Variants in INPP5A observed in about 807,000 individuals in gnomAD.
INPP5A encodes 43 kDa inositol polyphosphate 5-phophatase.
A neutral mutation model predicts 65.2 loss-of-function variants in INPP5A; 14 were observed. The ratio of observed to expected loss-of-function variants is 0.21; its 90% CI spans 0.14 to 0.34. The LOEUF is 0.34. INPP5A is among the 10% of genes least tolerant of loss of function. The pLI, the probability that INPP5A is intolerant of heterozygous loss-of-function variation, is 1.00. For missense variants in INPP5A, 431 were observed against 545.6 expected (o/e 0.79, Z 2.09); for synonymous variants, 207 against 208.3 (o/e 0.99, Z 0.05).
At chr10:132,778,031 A>T (rs1847094201) in intron 13 of INPP5A, among the ~76,000 whole-genome samples, 1 of 152,214 alleles carries the variant, frequency 6.6e-6, no homozygotes, top group Non-Finnish European at 1.5e-5. Flanking sequence ...CGTCATCCTG[A>T]GTTTGAAACA....
chr10:132,565,486 C>T (rs912354155), intron 1 of INPP5A, among the ~76,000 whole-genome samples: 1 of 152,106 alleles, frequency 6.6e-6, no homozygotes. Flanking sequence ...AGATCCAGGC[C>T]GAGGCATTAC....
Position 132,651,691 on chromosome 10 carries a change from G to A in INPP5A, c.306+1186G>A, listed in dbSNP as rs1024468357. On this transcript the variant is annotated intron_variant, in intron 4 of 15. Transcript: ENST00000368594. This position sits in a 1 kb window ranked among gnomAD's most constrained non-coding sequence, Gnocchi z 5.0. ...AGTGCTGAGGGTCTCGCTCTCCAGT[G>A]CCCCCCTGCCCTGCAGGTGGGACTC... Among the ~76,000 whole-genome samples, 1 of 152,168 alleles carries A rather than the reference G, an allele frequency of 6.6e-6. No homozygotes were observed. The highest frequency in any genetic ancestry group is 1.5e-5 in the Non-Finnish European group (1 of 68,028).
At chr10:132,641,081 A>G (rs1320507023) in intron 2 of INPP5A, among the ~76,000 whole-genome samples, 1 of 152,202 alleles carries the variant, frequency 6.6e-6, no homozygotes, top group Non-Finnish European at 1.5e-5. Flanking sequence ...TCACTGCGTC[A>G]TTAAGAATTG....
At chr10:132,643,368 A>G (rs1371410025) in intron 2 of INPP5A, among the ~76,000 whole-genome samples, 1 of 152,040 alleles carries the variant, frequency 6.6e-6, no homozygotes, top group African/African-American at 2.4e-5. Flanking sequence ...AGATGTGGGG[A>G]CTCACACCTG....
chr10:132,686,416 G>A (rs1564964341), intron 4 of INPP5A, among the ~76,000 whole-genome samples: 1 of 152,228 alleles, frequency 6.6e-6, no homozygotes, highest in Admixed American at 6.5e-5. Flanking sequence ...ATTCTCAGAT[G>A]TGACAGACAT....
At chr10:132,758,026 G>T (rs562652643) in intron 11 of INPP5A, among the ~76,000 whole-genome samples, 1 of 139,070 alleles carries the variant, frequency 7.2e-6, no homozygotes, top group South Asian at 2.3e-4. Flanking sequence ...ACACAGTGCC[G>T]TGGTGTGGGT....
chr10:132,570,925 G>A (rs770286201), intron 1 of INPP5A, among the ~76,000 whole-genome samples: 15 of 152,228 alleles, frequency 9.9e-5, no homozygotes, highest in Middle Eastern at 3.2e-3. Flanking sequence ...GCACAGCGGC[G>A]CATCACACGG....
chr10:132,642,236 G>A (rs1040860432), intron 2 of INPP5A, among the ~76,000 whole-genome samples: 8 of 152,344 alleles, frequency 5.3e-5, no homozygotes, highest in South Asian at 2.1e-4. Flanking sequence ...GGGTGGAGGC[G>A]TTTCCAGCAG....
rs150103507 is a variant in INPP5A at position 132,653,863 on chromosome 10, CAG to C, written c.306+3359_306+3360del. Reference sequence around the variant, plus strand: ...CCCCCGTCAAAGGAAAGGTGCCTCTCAGGGGAGGAAGCACAGGGGCTGGGCCG... The same window carrying C: ...CCCCCGTCAAAGGAAAGGTGCCTCTCGGGAGGAAGCACAGGGGCTGGGCCG... On this transcript the variant is annotated intron_variant, in intron 4 of 15. Coordinates refer to ENST00000368594, the MANE Select transcript of INPP5A (RefSeq NM_005539.5). Among the ~76,000 whole-genome samples, 453 of 152,346 alleles carry C rather than the reference CAG, an allele frequency of 3.0e-3. 2 individuals are homozygous for C. Among genetic ancestry groups the C allele is most frequent in the African/African-American group, 0.01 (426 of 41,594 alleles).
chr10:132,617,060 C>T (rs1387221765), intron 2 of INPP5A, among the ~76,000 whole-genome samples: 4 of 152,172 alleles, frequency 2.6e-5, no homozygotes, highest in Admixed American at 1.3e-4. Flanking sequence ...GCAGCCTTCA[C>T]CTGTAGGAAG....
chr10:132,598,363 G>T (rs2485636), intron 1 of INPP5A, among the ~76,000 whole-genome samples: 2 of 152,010 alleles, frequency 1.3e-5, no homozygotes, highest in Admixed American at 1.3e-4. Flanking sequence ...TTTTAATCTT[G>T]TAAAACTGCA....
At position 132,763,524 on chromosome 10, in the gene INPP5A, C is replaced by T. The variant is rs972271468; in HGVS notation, c.904-2249C>T. ...ACACATGCCTGCATACACATAAACA[C>T]GTGCCTGCATGCACACACACATAAA... On this transcript the variant is annotated intron_variant, in intron 11 of 15. Transcript: ENST00000368594. 6.6e-5 allele frequency among the ~76,000 whole-genome samples: 10 copies of T among 151,972 alleles called. No individual in the cohort carries two copies. The South Asian group carries it at 1.7e-3, about 25-fold the overall frequency.
chr10:132,552,800 G>A (rs1247446321), intron 1 of INPP5A, among the ~76,000 whole-genome samples: 1 of 147,664 alleles, frequency 6.8e-6, no homozygotes, highest in Non-Finnish European at 1.5e-5. Context: ...TAGGGAGGGA[G>A]GACTGGTGAA....
At chr10:132,725,230 C>G (rs1207649089) in intron 8 of INPP5A, among the ~76,000 whole-genome samples, 3 of 152,218 alleles carry the variant, frequency 2.0e-5, no homozygotes, top group Non-Finnish European at 4.4e-5. Context: ...AAATGAACTC[C>G]TACGCTCCAT....
chr10:132,663,558 T>C lies in INPP5A; in HGVS notation c.306+13053T>C, dbSNP rs1404300365. ...TTAAGGTTAAGTAAGGCTTTGTTGA[T>C]TTTGAATGTAACATTATTCCCACTC... On this transcript the variant is annotated intron_variant, in intron 4 of 15. Transcript: ENST00000368594. This position sits in a 1 kb window ranked among gnomAD's most constrained non-coding sequence, Gnocchi z 4.5. Among the ~76,000 whole-genome samples, 1 of 152,218 alleles carries C rather than the reference T, an allele frequency of 6.6e-6. No individual in the cohort carries two copies. The highest frequency in any genetic ancestry group is 1.5e-5 in the Non-Finnish European group (1 of 68,038).
intron 4 of INPP5A, among the ~76,000 whole-genome samples, chr10:132,688,695 GTGTGTGCA>G (rs1845192336): frequency 6.7e-6 from 1 of 149,184 alleles, no homozygotes; most frequent in African/African-American, 2.6e-5. Flanking sequence ...ATGAGTGCAT[GTGTGTGCA>G]AGTGTGAACA....
intron 2 of INPP5A, among the ~76,000 whole-genome samples, chr10:132,639,104 C>T (rs1463120913): frequency 6.6e-6 from 1 of 151,982 alleles, no homozygotes; most frequent in Non-Finnish European, 1.5e-5. Flanking sequence ...TTATATTTAC[C>T]CAGATGCTTC....
Position 132,727,559 on chromosome 10 carries a change from T to A in INPP5A, c.732+654T>A, listed in dbSNP as rs1564986711. On this transcript the variant is annotated intron_variant, in intron 9 of 15. Transcript: ENST00000368594. This position sits in a 1 kb window ranked among gnomAD's most constrained non-coding sequence, Gnocchi z 6.5. ...GGGCCGATGTTTCTCTGTGGTCCAGTCCACGCTGGCTGTGGGTCCTCCCTC... is the reference window on the plus strand; with the variant it reads ...GGGCCGATGTTTCTCTGTGGTCCAGACCACGCTGGCTGTGGGTCCTCCCTC... Among the ~76,000 whole-genome samples the A allele has an allele frequency of 6.6e-6, 1 of 151,928 alleles. No individual in the cohort carries two copies. Among genetic ancestry groups the A allele is most frequent in the Non-Finnish European group, 1.5e-5 (1 of 67,982 alleles).
rs2071297270 is a variant in INPP5A, at chr10:132,568,348, A to G, written c.75+30177A>G. On this transcript the variant is annotated intron_variant, in intron 1 of 15. Transcript: ENST00000368594. ...TAGCGAAGTTTGTTTTAATATTTCA[A>G]AAGTTGCCCTTAATGGCTCCATGAG... Among the ~76,000 whole-genome samples, 5 of 152,258 alleles carry G rather than the reference A, an allele frequency of 3.3e-5. No homozygotes were observed. The South Asian group carries it at 1.0e-3, about 32-fold the overall frequency.
Sources: gnomAD v4.1 joint callset for allele counts (sites outside exome capture counted in the v4.1 genomes callset) on GRCh38, gnomAD v4.1.1 for gene constraint, Gnocchi (gnomAD v3.1) non-coding constraint, MANE v1.5 for transcripts, NCBI Gene and HGNC (gene_info 2026-07-23, HGNC 2026-07-21) for gene names.